The following PTPRT variants were observed in gnomAD, a reference collection of about 807,000 sequenced individuals.
PTPRT encodes protein tyrosine phosphatase receptor type T, also known as receptor-type tyrosine-protein phosphatase T.
A neutral mutation model predicts 176.8 loss-of-function variants in PTPRT; 56 were observed. The ratio of observed to expected loss-of-function variants is 0.32; its 90% CI spans 0.26 to 0.40. The LOEUF is 0.40. Ranked by LOEUF, PTPRT falls within the 10% of genes least tolerant of loss-of-function variation. The pLI, the probability that PTPRT is intolerant of heterozygous loss-of-function variation, is 1.00. For synonymous variants in PTPRT, 783 were observed against 739.0 expected (o/e 1.06, Z -0.96); for missense variants, 1,540 against 1,908.2 (o/e 0.81, Z 3.60).
intron 2 of PTPRT, among the ~76,000 whole-genome samples, chr20:42,870,381 C>A (rs566520036): frequency 5.3e-5 from 8 of 152,330 alleles, no homozygotes; most frequent in South Asian, 4.1e-4. Flanking sequence ...TATGCGTATA[C>A]CACATTTTCT....
intron 8 of PTPRT, among the ~76,000 whole-genome samples, chr20:42,461,863 T>A (rs1200875720): frequency 6.6e-6 from 1 of 151,534 alleles, no homozygotes; most frequent in East Asian, 1.9e-4. Flanking sequence ...TAGAGCTGGG[T>A]GTTTCTGGGT....
intron 1 of PTPRT, among the ~76,000 whole-genome samples, chr20:42,951,602 A>C (rs115533855): frequency 2.3e-3 from 352 of 152,330 alleles, no homozygotes; most frequent in African/African-American, 8.1e-3. Flanking sequence ...CTAAGATTTC[A>C]ATATCTTTAA....
chr20:42,343,492 T>C (rs1234214472), intron 11 of PTPRT, among the ~76,000 whole-genome samples: 2 of 152,200 alleles, frequency 1.3e-5, no homozygotes, highest in African/African-American at 4.8e-5. Context: ...GTCACCTTCA[T>C]TTCTTATCTG....
intron 7 of PTPRT, among the ~76,000 whole-genome samples, chr20:42,524,009 T>C (rs1358094198): frequency 6.6e-6 from 1 of 152,038 alleles, no homozygotes; most frequent in East Asian, 1.9e-4. Flanking sequence ...AAAAAAAAAT[T>C]GCACACATCT....
intron 9 of PTPRT, among the ~76,000 whole-genome samples, chr20:42,419,754 A>G (rs1568862774): frequency 6.6e-6 from 1 of 152,138 alleles, no homozygotes; most frequent in East Asian, 1.9e-4. Context: ...GTACCTGTGA[A>G]GTGACCTTAT....
chr20:43,045,387 T>C (rs538463415), intron 1 of PTPRT, among the ~76,000 whole-genome samples: 236 of 152,246 alleles, frequency 1.6e-3, no homozygotes, highest in Non-Finnish European at 2.9e-3. Context: ...GTGCCAGGCA[T>C]TGGGGCAAAG....
chr20:42,339,554 G>A (rs1242954030), intron 11 of PTPRT, among the ~76,000 whole-genome samples: 1 of 152,184 alleles, frequency 6.6e-6, no homozygotes, highest in Non-Finnish European at 1.5e-5. Context: ...GAGATGACTT[G>A]GTTCCCTGTA....
intron 7 of PTPRT, among the ~76,000 whole-genome samples, chr20:42,519,746 A>G (rs2072135889): frequency 6.6e-6 from 1 of 152,104 alleles, no homozygotes; most frequent in Admixed American, 6.6e-5. Context: ...TGACGTCCAA[A>G]CATAGAATTC....
At chr20:42,310,680 C>T (rs898701435) in intron 12 of PTPRT, among the ~76,000 whole-genome samples, 1 of 152,110 alleles carries the variant, frequency 6.6e-6, no homozygotes, top group Non-Finnish European at 1.5e-5. Context: ...CCTTCCTACT[C>T]TATGATGCTA....
Position 43,054,847 on chromosome 20 carries a change from C to A in PTPRT, c.88+134799G>T, listed in dbSNP as rs908342283. On this transcript the variant is annotated intron_variant, in intron 1 of 30. Coordinates refer to ENST00000373187, the MANE Select transcript of PTPRT (RefSeq NM_007050.6). ...GAAGGTTTACAGATTTTTCTAAAGA[C>A]CCATCTAGTTCTAACTCTCTATGAT... 2.0e-5 allele frequency among the ~76,000 whole-genome samples: 3 copies of A among 152,128 alleles called. No homozygotes were observed. The East Asian group carries it at 5.8e-4, about 29-fold the overall frequency.
At chr20:42,636,446 G>A (rs2074602494) in intron 7 of PTPRT, among the ~76,000 whole-genome samples, 1 of 152,098 alleles carries the variant, frequency 6.6e-6, no homozygotes, top group Non-Finnish European at 1.5e-5. Context: ...GGTGAAGAGT[G>A]TGATATAATC....
chr20:42,809,132 G>A (rs899340687), intron 2 of PTPRT, among the ~76,000 whole-genome samples: 5 of 152,210 alleles, frequency 3.3e-5, no homozygotes, highest in African/African-American at 9.6e-5. Context: ...AGATTAGTTA[G>A]GGGGTTGAAT....
chr20:42,559,678 G>A (rs4812609), intron 7 of PTPRT, among the ~76,000 whole-genome samples: 88,772 of 152,044 alleles, frequency 0.58, 27,114 homozygotes, highest in African/African-American at 0.77. Context: ...TCTGAGAAGG[G>A]AGAACAACTT....
intron 9 of PTPRT, among the ~76,000 whole-genome samples, chr20:42,388,864 T>G (rs867255710): frequency 3.3e-5 from 5 of 152,186 alleles, no homozygotes; most frequent in Non-Finnish European, 5.9e-5. Context: ...GGCAAAGACT[T>G]GGAACCAACC....
intron 7 of PTPRT, among the ~76,000 whole-genome samples, chr20:42,638,594 T>C (rs957593574): frequency 6.6e-6 from 1 of 152,130 alleles, no homozygotes. Flanking sequence ...GCTGTGCTTT[T>C]TTAAAAGCAG....
chr20:42,860,613 A>G (rs1172777996), intron 2 of PTPRT, among the ~76,000 whole-genome samples: 1 of 152,146 alleles, frequency 6.6e-6, no homozygotes, highest in Non-Finnish European at 1.5e-5. Flanking sequence ...CCAATTCCTC[A>G]GGCTTTTATA....
rs370663889 is a variant in PTPRT, at chr20:42,193,868, A to C, written c.2491+5372T>G. On this transcript the variant is annotated intron_variant, in intron 16 of 30. Transcript: ENST00000373187. Reference sequence around the variant, plus strand: ...TTTCCTGATACTGATTATTTTTCTCACTATTTTTTAAATTGTAGGTTCTTT... The same window carrying C: ...TTTCCTGATACTGATTATTTTTCTCCCTATTTTTTAAATTGTAGGTTCTTT... Among the ~76,000 whole-genome samples the C allele has an allele frequency of 3.3e-5, 5 of 152,256 alleles. 1 individual carries two copies. Among genetic ancestry groups the C allele is most frequent in the East Asian group, 3.9e-4 (2 of 5,180 alleles).
intron 7 of PTPRT, among the ~76,000 whole-genome samples, chr20:42,565,026 AG>A (rs2073015138): frequency 6.6e-6 from 1 of 152,156 alleles, no homozygotes; most frequent in Non-Finnish European, 1.5e-5. Context: ...GGAATCAGAC[AG>A]TCCTCCACTG....
At chr20:42,081,370 C>T (rs913989991) in intron 30 of PTPRT, among the ~76,000 whole-genome samples, 1 of 152,260 alleles carries the variant, frequency 6.6e-6, no homozygotes, top group Non-Finnish European at 1.5e-5. Context: ...GACCACTATT[C>T]GAGTAGGTTT....
Sources: allele counts gnomAD v4.1 joint callset (sites outside exome capture counted in the v4.1 genomes callset), GRCh38; gene constraint gnomAD v4.1.1; transcripts MANE v1.5; gene names NCBI Gene and HGNC (gene_info 2026-07-23, HGNC 2026-07-21).